Variants in SFSWAP observed in about 807,000 individuals in gnomAD.
The protein encoded by SFSWAP is splicing factor, suppressor of white-apricot homolog.
A neutral mutation model predicts 100.7 loss-of-function variants in SFSWAP; 17 were observed. The ratio of observed to expected loss-of-function variants is 0.17; its 90% confidence interval spans 0.12 to 0.25. The LOEUF is 0.25. SFSWAP is among the 10% of genes least tolerant of loss of function. SFSWAP has a pLI of 1.00. For synonymous variants in SFSWAP, 504 were observed against 510.1 expected (o/e 0.99, Z 0.16); for missense variants, 1,005 against 1,262.6 (o/e 0.80, Z 3.09).
rs1376991921 is a variant in SFSWAP at position 131,766,184 on chromosome 12, A to G, written c.2018A>G (p.Glu673Gly). The stretch of plus-strand genomic sequence containing the variant: ...GAAAAGCTGGCCCAGGCGTCTAAGG[A>G]GTCAAAAGAGAAACAGCTTCAAGCA... Reference protein sequence around the residue: ...AREKLAQASKESKEKQLQAER... With the variant: ...AREKLAQASKGSKEKQLQAER... The change falls in exon 13 of 18, where the codon GAG (glutamate) becomes GGG (glycine). Residue 673 changes from glutamate (E) to glycine (G), a missense_variant. Physicochemically the swap from Glu to Gly is moderately conservative, Grantham distance 98. This residue lies in a region of SFSWAP where 4 missense variants were observed against 24.5 expected (regional missense o/e 0.16). Coordinates refer to ENST00000261674, the MANE Select transcript of SFSWAP (RefSeq NM_004592.4). 1.2e-6 allele frequency: 2 copies of G among 1,614,160 alleles called. No individual in the cohort carries two copies. The highest frequency in any genetic ancestry group is 1.6e-4 in the Middle Eastern group (1 of 6,062).
chr12:131,742,625 T>C (rs928956435), intron 7 of SFSWAP, among the ~76,000 whole-genome samples: 1 of 147,604 alleles, frequency 6.8e-6, no homozygotes, highest in Non-Finnish European at 1.5e-5. Context: ...TCTTCTCTTG[T>C]TGGGGGACTT....
intron 14 of SFSWAP, chr12:131,786,044 T>C: frequency 6.3e-6 from 1 of 157,790 alleles, no homozygotes; most frequent in East Asian, 1.8e-4. Flanking sequence ...TGAGCTGAAA[T>C]GTATAGGGAG....
chr12:131,796,001 G>GAT (rs1885628263), intron 15 of SFSWAP: 1 of 8,832 alleles, frequency 1.1e-4, no homozygotes, highest in African/African-American at 7.8e-4. Flanking sequence ...GGGAGAGGGG[G>GAT]AGGGGAGGGG....
At chr12:131,746,886 T>C (rs567493320) in intron 7 of SFSWAP, among the ~76,000 whole-genome samples, 36 of 152,154 alleles carry the variant, frequency 2.4e-4, no homozygotes, top group African/African-American at 4.1e-4. Context: ...GGGCAGATCA[T>C]GAGGTCAGGA....
chr12:131,792,030 G>A (rs933544573), intron 15 of SFSWAP, among the ~76,000 whole-genome samples: 26 of 150,682 alleles, frequency 1.7e-4, no homozygotes, highest in African/African-American at 6.5e-4. Flanking sequence ...GTGCACTCGT[G>A]TGTGTTCACG....
intron 11 of SFSWAP, among the ~76,000 whole-genome samples, chr12:131,763,303 T>C (rs1882831307): frequency 6.6e-6 from 1 of 152,200 alleles, no homozygotes; most frequent in South Asian, 2.1e-4. Context: ...CAGAACCCAC[T>C]TCCCTCTCAG....
At chr12:131,764,135 AG>A (rs1379446087) in intron 11 of SFSWAP, among the ~76,000 whole-genome samples, 1 of 152,220 alleles carries the variant, frequency 6.6e-6, no homozygotes, top group African/African-American at 2.4e-5. Flanking sequence ...CAAAAAGAAA[AG>A]AAAAGAAAAA....
chr12:131,755,978 T>C (rs1408065241), intron 10 of SFSWAP, among the ~76,000 whole-genome samples: 1 of 152,256 alleles, frequency 6.6e-6, no homozygotes, highest in African/African-American at 2.4e-5. Context: ...CTTTTTGTCC[T>C]ACAGCCCCCT....
In SFSWAP at chr12:131,711,692, G is replaced by C; in HGVS notation, c.218+245G>C. 2.0e-6 allele frequency: 1 copy of C among 508,348 alleles called. No individual in the cohort carries two copies. Among genetic ancestry groups the C allele is most frequent in the Non-Finnish European group, 3.5e-6 (1 of 282,232 alleles). 31.5% of individuals were successfully genotyped at this position (508,348 alleles called of 1,614,324 possible). Reference sequence around the variant, plus strand: ...CTCCGGAGGGATCGTCTCTGGTCCCGCAGCCCCTCTCGACCCCTCACCCTG... The same window carrying C: ...CTCCGGAGGGATCGTCTCTGGTCCCCCAGCCCCTCTCGACCCCTCACCCTG... On this transcript the variant is annotated intron_variant, in intron 1 of 17. Coordinates refer to ENST00000261674, the MANE Select transcript of SFSWAP (RefSeq NM_004592.4). The surrounding 1 kb of genome is among the most constrained non-coding windows in gnomAD (Gnocchi z 4.9).
intron 15 of SFSWAP, among the ~76,000 whole-genome samples, chr12:131,793,745 G>A (rs892899404): frequency 6.6e-6 from 1 of 152,132 alleles, no homozygotes; most frequent in African/African-American, 2.4e-5. Flanking sequence ...CCAATTAGAA[G>A]GGGGCAGATG....
intron 7 of SFSWAP, among the ~76,000 whole-genome samples, chr12:131,737,024 A>G (rs1051561989): frequency 6.6e-6 from 1 of 152,216 alleles, no homozygotes; most frequent in African/African-American, 2.4e-5. Flanking sequence ...GAACATAGCC[A>G]CATAGATACT....
At chr12:131,737,011 G>C (rs918678984) in intron 7 of SFSWAP, among the ~76,000 whole-genome samples, 1 of 152,058 alleles carries the variant, frequency 6.6e-6, no homozygotes, top group African/African-American at 2.4e-5. Flanking sequence ...CTAGTATATG[G>C]GTGAACATAG....
chr12:131,718,510 T>TTG (rs1465797570), intron 3 of SFSWAP, among the ~76,000 whole-genome samples: 6 of 152,348 alleles, frequency 3.9e-5, no homozygotes, highest in Non-Finnish European at 8.8e-5. Flanking sequence ...GTGTAGTACG[T>TTG]TGTCTACCAC....
chr12:131,727,177 G>A, intron 6 of SFSWAP, 125 bp downstream of exon 6: 1 of 654,324 alleles, frequency 1.5e-6, no homozygotes, highest in Non-Finnish European at 2.7e-6. Context: ...TCATCATTGA[G>A]GTGTATTTGC....
At chr12:131,715,712 A>G (rs1222455260) in intron 3 of SFSWAP, among the ~76,000 whole-genome samples, 1 of 152,166 alleles carries the variant, frequency 6.6e-6, no homozygotes, top group Non-Finnish European at 1.5e-5. Flanking sequence ...ATTCTGTTTA[A>G]AAAGAAGAAG....
At chr12:131,752,238 G>A (rs1266977042) in intron 7 of SFSWAP, among the ~76,000 whole-genome samples, 2 of 152,076 alleles carry the variant, frequency 1.3e-5, no homozygotes, top group Admixed American at 1.3e-4. Flanking sequence ...TTCTTAATTC[G>A]AAAAATATTT....
chr12:131,739,691 G>A (rs779032327), intron 7 of SFSWAP, among the ~76,000 whole-genome samples: 4 of 151,574 alleles, frequency 2.6e-5, no homozygotes, highest in Non-Finnish European at 4.4e-5. Flanking sequence ...GAGTACAGGC[G>A]CCCGCCACCA....
At chr12:131,761,000 A>G (rs558902445) in intron 11 of SFSWAP, among the ~76,000 whole-genome samples, 1 of 152,290 alleles carries the variant, frequency 6.6e-6, no homozygotes, top group Admixed American at 6.5e-5. Flanking sequence ...TGAAACTGGA[A>G]GGTGGAAGTT....
intron 14 of SFSWAP, 118 bp from the exon 15 acceptor site, chr12:131,786,345 C>T: frequency 1.6e-6 from 2 of 1,279,432 alleles, no homozygotes; most frequent in Middle Eastern, 2.8e-4. Context: ...TCTACACAGG[C>T]ACCACCCTGA....
Sources: allele counts gnomAD v4.1 joint callset (sites outside exome capture counted in the v4.1 genomes callset), GRCh38; gene constraint gnomAD v4.1.1; regional missense constraint gnomAD v4.1.1; non-coding constraint Gnocchi (gnomAD v3.1); transcripts MANE v1.5; gene names NCBI Gene and HGNC (gene_info 2026-07-23, HGNC 2026-07-21).